Variants in FLCN observed in about 807,000 individuals in gnomAD.
FLCN encodes BHD skin lesion fibrofolliculoma protein.
In FLCN, 22 loss-of-function variants were observed where a neutral mutation model predicts 62.5. The ratio of observed to expected loss-of-function variants is 0.35; its 90% CI spans 0.25 to 0.50. The LOEUF (loss-of-function observed/expected upper bound fraction) is 0.50, where lower values mean the gene tolerates loss of function less well. FLCN is among the 20% of genes least tolerant of loss of function. The pLI, the probability that FLCN is intolerant of heterozygous loss-of-function variation, is 0.97. For missense variants in FLCN, 657 were observed against 778.0 expected, an observed-to-expected ratio of 0.84 and a Z score of 1.85; for synonymous variants, 319 against 310.0, an observed-to-expected ratio of 1.03 and a Z score of -0.30.
intron 3 of FLCN, among the ~76,000 whole-genome samples, chr17:17,231,181 CAG>C (rs1164452157): frequency 1.3e-5 from 2 of 152,192 alleles, no homozygotes; most frequent in African/African-American, 4.8e-5. Context: ...GCCTGGGCGA[CAG>C]AGAGACTCCG....
At position 17,224,155 on chromosome 17, in the gene FLCN, C is replaced by A. The variant is rs199958635; in HGVS notation, c.397-12G>T. The A allele has an allele frequency of 1.2e-4, 187 of 1,570,012 alleles. No homozygotes were observed. In the African/African-American group the frequency reaches 2.1e-3, roughly 18 times the overall value. On this transcript the variant is annotated splice_polypyrimidine_tract_variant and intron_variant, in intron 5 of 13. Coordinates refer to ENST00000285071, the MANE Select transcript of FLCN (RefSeq NM_144997.7). Reference sequence around the variant, plus strand: ...CGGCCAGGGCAGACCTGGAGGGACACCGGCGACTCAGACAGCCCTTTCCTC... The same window carrying A: ...CGGCCAGGGCAGACCTGGAGGGACAACGGCGACTCAGACAGCCCTTTCCTC...
intron 11 of FLCN, 75 bp from the exon 12 acceptor site, chr17:17,215,391 C>T (rs2046887822): frequency 5.6e-6 from 9 of 1,605,930 alleles, no homozygotes; most frequent in Middle Eastern, 1.7e-4. Flanking sequence ...CCACCGTGGG[C>T]CCCACTCCGC....
At position 17,213,527 on chromosome 17, in the gene FLCN, T is replaced by C. The variant is rs1398614758; in HGVS notation, c.*128A>G. 7 of 1,303,250 alleles carry C rather than the reference T, an allele frequency of 5.4e-6. No homozygotes were observed. Among genetic ancestry groups the C allele is most frequent in the Non-Finnish European group, 7.6e-6 (7 of 915,516 alleles). 80.7% of individuals were successfully genotyped at this position (1,303,250 alleles called of 1,614,324 possible). A position where few individuals can be genotyped will look rare whatever the true frequency, so the allele number is the denominator to read the frequency against. On this transcript the variant is annotated 3_prime_UTR_variant, in exon 14 of 14. Coordinates refer to ENST00000285071, the MANE Select transcript of FLCN (RefSeq NM_144997.7). Reference sequence around the variant, plus strand: ...CTGACAGGGCCGAGCCCAGCCCTGATGGTTTCCCTTCCTTGCTGGGACACA... The same window carrying C: ...CTGACAGGGCCGAGCCCAGCCCTGACGGTTTCCCTTCCTTGCTGGGACACA...
rs868178933 is a variant in FLCN, at chr17:17,224,299, T to C, written c.397-156A>G. The stretch of plus-strand genomic sequence containing the variant: ...TGGGGGCCATGAGAGCCGAAGACTG[T>C]ACTCTTCTGCTCCTGTGATCAAGCT... On this transcript the variant is annotated intron_variant, in intron 5 of 13. Transcript: ENST00000285071. The C allele has an allele frequency of 2.6e-5, 18 of 693,964 alleles. No individual in the cohort carries two copies. The African/African-American group carries it at 2.8e-4, about 11-fold the overall frequency. The allele number at this position is 693,964 out of a possible 1,614,324, so 43.0% of individuals were successfully genotyped here. A position where few individuals can be genotyped will look rare whatever the true frequency, so the allele number is the denominator to read the frequency against.
intron 7 of FLCN, among the ~76,000 whole-genome samples, chr17:17,222,269 A>G (rs2047114140): frequency 6.6e-6 from 1 of 152,156 alleles, no homozygotes; most frequent in African/African-American, 2.4e-5. Flanking sequence ...CCCAGGAAGA[A>G]GTGAGTTCCA....
intron 1 of FLCN, among the ~76,000 whole-genome samples, chr17:17,233,716 C>CTTTTTTTTTT (rs34208211): frequency 3.1e-5 from 2 of 63,958 alleles, no homozygotes; most frequent in African/African-American, 6.2e-5. Flanking sequence ...CCCATCTTTC[C>CTTTTTTTTTT]TTTTTTTTTT....
At chr17:17,222,401 C>T in intron 7 of FLCN, 100 bp downstream of exon 7, 2 of 1,548,218 alleles carry the variant, frequency 1.3e-6, no homozygotes, top group South Asian at 2.3e-5. Context: ...AGCAAGCAAA[C>T]ACGGCTAAGG....
At chr17:17,224,659 C>G in intron 5 of FLCN, 1 of 192,972 alleles carries the variant, frequency 5.2e-6, no homozygotes, top group Non-Finnish European at 1.1e-5. Flanking sequence ...CCTCAGCCTC[C>G]TGAGTAGCTG....
rs1002586963 is a variant in FLCN at position 17,215,306 on chromosome 17, G to A, written c.1311C>T (p.Val437=). 2 of 1,613,928 alleles carry A rather than the reference G, an allele frequency of 1.2e-6. No homozygotes were observed. Among genetic ancestry groups the A allele is most frequent in the South Asian group, 1.1e-5 (1 of 91,048 alleles). The change falls in exon 12 of 14, where the codon GTC becomes GTT. Residue 437 remains valine (V), a synonymous_variant. Transcript: ENST00000285071. ...PPHVLSSEFA[V]IVEVHAAARS... is the part of the protein sequence containing the mutation. ...GTGCGGCTGCGTGGACCTCCACGAT[G>A]ACAGCAAACTCTGTAACAACACAAG...
intron 7 of FLCN, 108 bp from the exon 8 acceptor site, chr17:17,221,736 G>T: frequency 8.2e-7 from 1 of 1,226,252 alleles, no homozygotes; most frequent in Non-Finnish European, 1.2e-6. Flanking sequence ...GGGTATAAAA[G>T]AACACCAGCA....
At chr17:17,215,121 C>A (rs761308202) in intron 12 of FLCN, 31 bp from the exon 13 acceptor site, 5 of 1,613,842 alleles carry the variant, frequency 3.1e-6, no homozygotes, top group Non-Finnish European at 3.4e-6. Flanking sequence ...AGAGCAAGGG[C>A]AGGCGTTAGC....
upstream of FLCN, chr17:17,237,179 C>A (rs1436395148): frequency 6.6e-6 from 1 of 152,246 alleles, no homozygotes; most frequent in African/African-American, 2.4e-5. Flanking sequence ...GACACCCAGG[C>A]GCGTGACTCC....
Position 17,217,143 on chromosome 17 carries a change from C to G in FLCN, c.1102G>C (p.Val368Leu). The G allele has an allele frequency of 6.2e-7, 1 of 1,614,106 alleles. No individual in the cohort carries two copies. Among genetic ancestry groups the G allele is most frequent in the Non-Finnish European group, 8.5e-7 (1 of 1,180,026 alleles). The part of the protein sequence containing the change: ...APSFRMLAWH[V>L]LMGNQVIWKS... ...CAGATCACCTGGTTCCCCATGAGAA[C>G]GTGCCAGGCCAGCATGCGGAAAGAA... Residue 368 changes from valine to leucine, a missense_variant, in exon 10 of 14, where the codon GTT becomes CTT. Transcript: ENST00000285071.
Position 17,213,614 on chromosome 17 carries a change from T to C in FLCN, c.*41A>G, listed in dbSNP as rs1366249931. ...CCTCTCACGGGGCTGGAGGATCCTG[T>C]GGACAGCCATCCCTGTCTTTAGGCA... On this transcript the variant is annotated 3_prime_UTR_variant, in exon 14 of 14. Coordinates refer to ENST00000285071, the MANE Select transcript of FLCN (RefSeq NM_144997.7). 2 of 1,613,000 alleles carry C rather than the reference T, an allele frequency of 1.2e-6. No homozygotes were observed. Among genetic ancestry groups the C allele is most frequent in the Non-Finnish European group, 1.7e-6 (2 of 1,179,038 alleles).
rs376715412 is a variant in FLCN at position 17,215,010 on chromosome 17, C to T, written c.1513G>A (p.Val505Ile). The change falls in exon 13 of 14, where the codon GTC becomes ATC. Residue 505 changes from valine to isoleucine, a missense_variant. Transcript: ENST00000285071. ...TTCATCCACTCCTCCTTGAGGCAGACGAGGCACTGGTCCACCACATCCACA... is the reference window on the plus strand; with the variant it reads ...TTCATCCACTCCTCCTTGAGGCAGATGAGGCACTGGTCCACCACATCCACA... ...LSVDVVDQCLVCLKEEWMNKV... is the reference protein window; with the variant it reads ...LSVDVVDQCLICLKEEWMNKV... 1.8e-5 allele frequency: 29 copies of T among 1,614,060 alleles called. No homozygotes were observed. Among genetic ancestry groups the T allele is most frequent in the South Asian group, 8.8e-5 (8 of 91,086 alleles).
rs1386426732 is a variant in FLCN, at chr17:17,216,431, A to C, written c.1249T>G (p.Phe417Val). 6.2e-7 allele frequency: 1 copy of C among 1,613,878 alleles called. No homozygotes were observed. Among genetic ancestry groups the C allele is most frequent in the Admixed American group, 1.7e-5 (1 of 59,992 alleles). The change falls in exon 11 of 14, where the codon TTC (phenylalanine) becomes GTC (valine). Residue 417 changes from phenylalanine to valine, a missense_variant. By Grantham distance (50) the Phe-to-Val change is conservative (BLOSUM62 -1). Transcript: ENST00000285071. This position sits in a 1 kb window ranked among gnomAD's most constrained non-coding sequence, Gnocchi z 4.0. ...TGCACGTGCGGGCTGAGCCCCAGGA[A>C]GTTGCACCGATAGGCCTCCTCGTAC... Reference protein sequence around the residue: ...SQYEEAYRCNFLGLSPHVQIP... With the variant: ...SQYEEAYRCNVLGLSPHVQIP...
At chr17:17,229,721 G>C (rs2047365471) in intron 3 of FLCN, among the ~76,000 whole-genome samples, 1 of 152,234 alleles carries the variant, frequency 6.6e-6, no homozygotes, top group South Asian at 2.1e-4. Context: ...GCAGAACAAT[G>C]ATGAAGTCAA....
At chr17:17,232,049 C>T (rs1467327366) in intron 2 of FLCN, among the ~76,000 whole-genome samples, 167 bp from the exon 3 acceptor site, 1 of 152,130 alleles carries the variant, frequency 6.6e-6, no homozygotes, top group Non-Finnish European at 1.5e-5. Flanking sequence ...AGACAGGCAG[C>T]GGGAGAGGAA....
Position 17,224,138 on chromosome 17 carries a change from G to A in FLCN, c.402C>T (p.Cys134=), listed in dbSNP as rs756563416. ...AGAAGATGGGGCCTTCACGGCCAGG[G>A]CAGACCTGGAGGGACACCGGCGACT... The part of the protein sequence containing the change: ...ACVRSLSCEV[C]PGREGPIFFG... The change falls in exon 6 of 14, where the codon TGC becomes TGT. Residue 134 remains cysteine, a synonymous_variant. Coordinates refer to ENST00000285071, the MANE Select transcript of FLCN (RefSeq NM_144997.7). 2 of 1,586,354 alleles carry A rather than the reference G, an allele frequency of 1.3e-6. No homozygotes were observed. The highest frequency in any genetic ancestry group is 1.7e-6 in the Non-Finnish European group (2 of 1,165,742).
Sources: gnomAD v4.1 joint callset for allele counts (sites outside exome capture counted in the v4.1 genomes callset) on GRCh38, gnomAD v4.1.1 for gene constraint, Gnocchi (gnomAD v3.1) non-coding constraint, MANE v1.5 for transcripts, NCBI Gene and HGNC (gene_info 2026-07-23, HGNC 2026-07-21) for gene names.